Variants in ELP4 observed in about 807,000 individuals in gnomAD.
ELP4 encodes the protein elongator complex protein 4.
A neutral mutation model predicts 48.9 loss-of-function variants in ELP4; 51 were observed. The observed-to-expected ratio is 1.04, with a 90% CI of 0.83 to 1.32. The LOEUF (loss-of-function observed/expected upper bound fraction) is 1.32, where lower values mean the gene tolerates loss of function less well. ELP4 is among the 40% of genes most tolerant of loss of function. ELP4 has a pLI of 0.00. For missense variants in ELP4, 519 were observed against 514.6 expected (o/e 1.01, Z -0.08); for synonymous variants, 210 against 189.2 (o/e 1.11, Z -0.90).
At chr11:31,603,735 G>A in intron 4 of ELP4, 33 bp from the exon 5 acceptor site, 2 of 1,580,468 alleles carry the variant, frequency 1.3e-6, no homozygotes, top group Non-Finnish European at 8.6e-7. Context: ...AAAAATAATT[G>A]TTTAACAACC....
chr11:31,518,494 A>ATTTTTTT (rs539723681), intron 1 of ELP4, among the ~76,000 whole-genome samples: 1 of 122,846 alleles, frequency 8.1e-6, no homozygotes, highest in African/African-American at 3.0e-5. Context: ...CATAGTTCAG[A>ATTTTTTT]TTTTTTTTTT....
chr11:31,747,104 G>A (rs1266740264), intron 9 of ELP4, among the ~76,000 whole-genome samples: 1 of 151,962 alleles, frequency 6.6e-6, no homozygotes, highest in African/African-American at 2.4e-5. Flanking sequence ...TGAAAAATGA[G>A]TGTAGAGAGA....
intron 3 of ELP4, chr11:31,541,512 C>T (rs528909962): frequency 1.3e-5 from 2 of 152,254 alleles, no homozygotes; most frequent in East Asian, 1.9e-4. Flanking sequence ...TGACATATTC[C>T]ACAATATACC....
At chr11:31,560,099 A>G (rs1473360906) in intron 3 of ELP4, among the ~76,000 whole-genome samples, 1 of 152,114 alleles carries the variant, frequency 6.6e-6, no homozygotes, top group Non-Finnish European at 1.5e-5. Context: ...AAAGAAAATG[A>G]CTTCAAACAA....
chr11:31,529,778 C>T (rs937894634), intron 2 of ELP4, among the ~76,000 whole-genome samples: 11 of 152,112 alleles, frequency 7.2e-5, no homozygotes, highest in Non-Finnish European at 1.5e-4. Context: ...CAAAGAGAGA[C>T]TGAGGATGAA....
chr11:31,736,465 A>C (rs965486438), intron 9 of ELP4, among the ~76,000 whole-genome samples: 1 of 152,186 alleles, frequency 6.6e-6, no homozygotes, highest in Admixed American at 6.5e-5. Flanking sequence ...CAAAAGCCAA[A>C]ATTGACAAAT....
At chr11:31,568,700 A>T (rs1957150534) in intron 3 of ELP4, among the ~76,000 whole-genome samples, 1 of 152,196 alleles carries the variant, frequency 6.6e-6, no homozygotes, top group Admixed American at 6.5e-5. Context: ...TTCAATAAAT[A>T]GTGCTGGGAA....
In ELP4 at chr11:31,583,890, A is replaced by T. The variant is rs1957430390; in HGVS notation, c.382-10880A>T. Among the ~76,000 whole-genome samples the T allele has an allele frequency of 2.0e-5, 3 of 152,336 alleles. No homozygotes were observed. The East Asian group carries it at 5.8e-4, about 29-fold the overall frequency. On this transcript the variant is annotated intron_variant, in intron 3 of 9. Coordinates refer to ENST00000640961, the MANE Select transcript of ELP4 (RefSeq NM_019040.5). Reference sequence around the variant, plus strand: ...CTACTTTCGACTATTAAGCACTTTGAAATGTGGCTAGTGCAGTTGAGATTA... The same window carrying T: ...CTACTTTCGACTATTAAGCACTTTGTAATGTGGCTAGTGCAGTTGAGATTA...
At chr11:31,666,004 CTTTTTT>C (rs35902758) in intron 9 of ELP4, among the ~76,000 whole-genome samples, 30 of 85,330 alleles carry the variant, frequency 3.5e-4, no homozygotes, top group Admixed American at 7.5e-4. Flanking sequence ...GTTTCAAATT[CTTTTTT>C]TTTTTTTTTT....
chr11:31,732,640 A>G (rs1947217413), intron 9 of ELP4, among the ~76,000 whole-genome samples: 1 of 152,210 alleles, frequency 6.6e-6, no homozygotes, highest in Non-Finnish European at 1.5e-5. Flanking sequence ...TTTAAAAATA[A>G]CATCCAACTA....
chr11:31,729,523 A>C (rs997277170), intron 9 of ELP4, among the ~76,000 whole-genome samples: 1 of 152,226 alleles, frequency 6.6e-6, no homozygotes, highest in African/African-American at 2.4e-5. Context: ...TCAGATCTCA[A>C]AAAAACATTT....
chr11:31,591,678 C>A (rs1393560829), intron 3 of ELP4, among the ~76,000 whole-genome samples: 1 of 152,052 alleles, frequency 6.6e-6, no homozygotes, highest in East Asian at 1.9e-4. Flanking sequence ...ATGGTGCAGC[C>A]ACTGTAGAAA....
chr11:31,725,194 G>A (rs1480695711), intron 9 of ELP4, among the ~76,000 whole-genome samples: 8 of 152,186 alleles, frequency 5.3e-5, no homozygotes, highest in Non-Finnish European at 1.0e-4. Context: ...GAGTTTTTCA[G>A]AGGCCCTGTG....
chr11:31,669,303 C>G (rs1235807934), intron 9 of ELP4, among the ~76,000 whole-genome samples: 2 of 151,978 alleles, frequency 1.3e-5, no homozygotes, highest in Non-Finnish European at 2.9e-5. Context: ...CCAGAATGGT[C>G]TCAATCTCCT....
chr11:31,612,024 G>C (rs1308265410), intron 5 of ELP4, among the ~76,000 whole-genome samples: 1 of 152,098 alleles, frequency 6.6e-6, no homozygotes, highest in African/African-American at 2.4e-5. Flanking sequence ...AATAAAGGAA[G>C]GAACTTGGTG....
chr11:31,608,344 T>C (rs912931079), intron 5 of ELP4, among the ~76,000 whole-genome samples: 4 of 152,044 alleles, frequency 2.6e-5, no homozygotes, highest in Non-Finnish European at 5.9e-5. Flanking sequence ...GCAGTCAGAT[T>C]TTCTAACGGG....
At chr11:31,615,643 T>C (rs577950325) in intron 5 of ELP4, among the ~76,000 whole-genome samples, 3 of 152,180 alleles carry the variant, frequency 2.0e-5, no homozygotes, top group East Asian at 1.9e-4. Flanking sequence ...AAAAGTTTAT[T>C]TGGAGATCAA....
At chr11:31,681,798 G>A in intron 9 of ELP4, 1 of 180,830 alleles carries the variant, frequency 5.5e-6, no homozygotes, top group Non-Finnish European at 1.2e-5. Context: ...CTGGAGTGCA[G>A]TGGCACGATC....
chr11:31,714,486 A>C (rs1369942072), intron 9 of ELP4: 6 of 395,946 alleles, frequency 1.5e-5, no homozygotes, highest in Non-Finnish European at 2.2e-5. Context: ...GTTACTTAAC[A>C]GTTGTTTAAA....
Sources: allele counts gnomAD v4.1 joint callset (sites outside exome capture counted in the v4.1 genomes callset), GRCh38; gene constraint gnomAD v4.1.1; transcripts MANE v1.5; gene names NCBI Gene and HGNC (gene_info 2026-07-23, HGNC 2026-07-21).